Variants in TENM3 observed in about 807,000 individuals in gnomAD.
TENM3 encodes teneurin transmembrane protein 3.
Under a neutral mutation model 255.1 loss-of-function variants are expected in TENM3, and 63 were observed. The ratio of observed to expected loss-of-function variants is 0.25; its 90% CI spans 0.20 to 0.30. The LOEUF is 0.30. Among genes scored for constraint, TENM3 ranks in the 10% least tolerant of loss-of-function variants. The pLI, the probability that TENM3 is intolerant of heterozygous loss-of-function variation, is 1.00. For missense variants in TENM3, 2,929 were observed against 3,461.1 expected, an observed-to-expected ratio of 0.85 and a Z score of 3.86; for synonymous variants, 1,306 against 1,322.3, an observed-to-expected ratio of 0.99 and a Z score of 0.27.
At chr4:181,790,711 A>G in the TENM3 span, among the ~76,000 whole-genome samples, 13 of 152,256 alleles carry the variant, frequency 8.5e-5, no homozygotes, top group Non-Finnish European at 1.9e-4. Context: ...GGCAAAGACA[A>G]GTAAACATTC....
intron 1 of TENM3, among the ~76,000 whole-genome samples, chr4:182,316,637 G>A (rs1441812661): frequency 6.6e-6 from 1 of 152,150 alleles, no homozygotes; most frequent in African/African-American, 2.4e-5. Flanking sequence ...GAGTAGTGCT[G>A]AGGTTGAGAT....
intron 3 of TENM3, among the ~76,000 whole-genome samples, chr4:182,593,172 G>A (rs1020393957): frequency 7.2e-5 from 11 of 152,094 alleles, no homozygotes; most frequent in Admixed American, 2.0e-4. Flanking sequence ...GTATCATATT[G>A]CAAGCTCTTA....
upstream of TENM3, among the ~76,000 whole-genome samples, chr4:182,139,598 C>T (rs1238452526): frequency 6.6e-6 from 1 of 152,172 alleles, no homozygotes; most frequent in Non-Finnish European, 1.5e-5. Context: ...TTAAAAGGCA[C>T]TCTATGATAA....
At chr4:182,600,014 G>C (rs570654137) in intron 3 of TENM3, among the ~76,000 whole-genome samples, 2 of 152,284 alleles carry the variant, frequency 1.3e-5, no homozygotes, top group African/African-American at 4.8e-5. Flanking sequence ...TTTAACTTAT[G>C]ACGTATTAGC....
At chr4:182,407,005 C>T (rs1170588356) in intron 3 of TENM3, among the ~76,000 whole-genome samples, 2 of 152,174 alleles carry the variant, frequency 1.3e-5, no homozygotes, top group African/African-American at 4.8e-5. Flanking sequence ...GCTGTTTGCT[C>T]TCATTCCCTA....
chr4:181,861,476 C>T, the TENM3 span, among the ~76,000 whole-genome samples: 2 of 152,220 alleles, frequency 1.3e-5, no homozygotes, highest in African/African-American at 4.8e-5. Flanking sequence ...CTGAAATATT[C>T]ATTATGTGGA....
At chr4:181,609,917 G>T in the TENM3 span, among the ~76,000 whole-genome samples, 1 of 152,042 alleles carries the variant, frequency 6.6e-6, no homozygotes, top group Non-Finnish European at 1.5e-5. Flanking sequence ...TACCATAAAA[G>T]GTCTTTTGAA....
chr4:182,023,633 T>A, the TENM3 span, among the ~76,000 whole-genome samples: 134,087 of 152,218 alleles, frequency 0.88, 61,558 homozygotes, highest in East Asian at 1. Context: ...GAAAATTGTA[T>A]CTCAGCAGGT....
chr4:182,789,077 G>A lies in TENM3; in HGVS notation c.5305-16G>A, dbSNP rs1247833237. ...ATAACATGATTTATTTTATCATCTTGTTGGTGTTGTAACAGGTTAATGGCA... is the reference window on the plus strand; with the variant it reads ...ATAACATGATTTATTTTATCATCTTATTGGTGTTGTAACAGGTTAATGGCA... On this transcript the variant is annotated splice_polypyrimidine_tract_variant and intron_variant, in intron 24 of 27. Coordinates refer to ENST00000511685, the MANE Select transcript of TENM3 (RefSeq NM_001080477.4). The surrounding 1 kb of genome is among the most constrained non-coding windows in gnomAD (Gnocchi z 4.4). 1.3e-6 allele frequency: 2 copies of A among 1,589,790 alleles called. No individual in the cohort carries two copies. The highest frequency in any genetic ancestry group is 1.7e-6 in the Non-Finnish European group (2 of 1,164,016).
the TENM3 span, among the ~76,000 whole-genome samples, chr4:181,677,925 C>A: frequency 9.9e-5 from 15 of 152,114 alleles, no homozygotes; most frequent in Non-Finnish European, 1.6e-4. Flanking sequence ...TCCCAATTTC[C>A]TTTCGCCAGA....
chr4:181,651,328 G>A, the TENM3 span, among the ~76,000 whole-genome samples: 7 of 152,084 alleles, frequency 4.6e-5, no homozygotes, highest in East Asian at 3.9e-4. Context: ...TGGCCGGCAC[G>A]GTGGCTCACA....
intron 5 of TENM3, among the ~76,000 whole-genome samples, chr4:182,650,434 T>C (rs955149419): frequency 2.0e-5 from 3 of 150,596 alleles, no homozygotes; most frequent in African/African-American, 7.2e-5. Flanking sequence ...AACTCAGGCA[T>C]TGAAGAACTG....
chr4:182,800,298 G>A lies in TENM3; in HGVS notation c.8047G>A (p.Asp2683Asn). ...GGTGGAGCAGTACCCCGAGCTGGCC[G>A]ACAGCGCCAACAACATCCAGTTCCT... ...LSVEQYPELADSANNIQFLRQ... is the reference protein window; with the variant it reads ...LSVEQYPELANSANNIQFLRQ... Residue 2683 changes from aspartate to asparagine, a missense_variant, in exon 28 of 28, where the codon GAC becomes AAC. Physicochemically the swap from Asp to Asn is conservative, Grantham distance 23. Coordinates refer to ENST00000511685, the MANE Select transcript of TENM3 (RefSeq NM_001080477.4). 1.3e-6 allele frequency: 2 copies of A among 1,594,680 alleles called. No individual in the cohort carries two copies. The highest frequency in any genetic ancestry group is 1.7e-6 in the Non-Finnish European group (2 of 1,178,548).
At chr4:182,391,592 A>G (rs150527632) in intron 3 of TENM3, among the ~76,000 whole-genome samples, 2 of 152,370 alleles carry the variant, frequency 1.3e-5, no homozygotes, top group African/African-American at 4.8e-5. Flanking sequence ...CATTTTCAGT[A>G]ACTGAGCAGA....
At chr4:182,737,576 A>G (rs1355648871) in intron 17 of TENM3, among the ~76,000 whole-genome samples, 1 of 152,176 alleles carries the variant, frequency 6.6e-6, no homozygotes, top group Non-Finnish European at 1.5e-5. Context: ...TAATCAAACC[A>G]GTTGTTTTAT....
At chr4:182,782,883 C>A (rs1295725541) in intron 24 of TENM3, among the ~76,000 whole-genome samples, 1 of 150,868 alleles carries the variant, frequency 6.6e-6, no homozygotes, top group East Asian at 1.9e-4. Flanking sequence ...GCAACCCCGG[C>A]CTTTTTTTGT....
intron 3 of TENM3, among the ~76,000 whole-genome samples, chr4:182,434,760 A>G (rs1355506963): frequency 6.6e-6 from 1 of 152,080 alleles, no homozygotes; most frequent in African/African-American, 2.4e-5. Flanking sequence ...CTTTTACCAC[A>G]CACTACAAGA....
At chr4:181,569,256 G>T in the TENM3 span, among the ~76,000 whole-genome samples, 4 of 152,198 alleles carry the variant, frequency 2.6e-5, no homozygotes, top group African/African-American at 9.6e-5. Context: ...TGAGAACATG[G>T]TGTGCCTATA....
intron 3 of TENM3, among the ~76,000 whole-genome samples, chr4:182,416,410 C>A (rs1283722099): frequency 1.3e-5 from 2 of 151,590 alleles, no homozygotes; most frequent in East Asian, 3.9e-4. Context: ...TGTTTTTCCT[C>A]TCATATTGCT....
Sources: allele counts gnomAD v4.1 joint callset (sites outside exome capture counted in the v4.1 genomes callset), GRCh38; gene constraint gnomAD v4.1.1; non-coding constraint Gnocchi (gnomAD v3.1); transcripts MANE v1.5; gene names NCBI Gene and HGNC (gene_info 2026-07-23, HGNC 2026-07-21).